The following MAN2C1 variants were observed in gnomAD, a reference collection of about 807,000 sequenced individuals.
The protein encoded by MAN2C1 is mannosidase alpha class 2C member 1, also known as alpha-mannosidase 2C1.
In MAN2C1, 111 loss-of-function variants were observed where a neutral mutation model predicts 126.9. The ratio of observed to expected loss-of-function variants is 0.87; its 90% confidence interval spans 0.75 to 1.02. The LOEUF (loss-of-function observed/expected upper bound fraction) is 1.02, where lower values mean the gene tolerates loss of function less well. Among genes scored for constraint, MAN2C1 ranks in the 50% least tolerant of loss-of-function variants. The pLI is 0.00. For synonymous variants in MAN2C1, 567 were observed against 561.5 expected (o/e 1.01, Z -0.14); for missense variants, 1,363 against 1,364.4 (o/e 1.00, Z 0.02).
chr15:75,363,865 GT>G, intron 6 of MAN2C1, 133 bp downstream of exon 6: 1 of 976,520 alleles, frequency 1.0e-6, no homozygotes. Context: ...CCCCGGCCCC[GT>G]TTTACAGACG....
intron 21 of MAN2C1, chr15:75,357,748 T>G (rs1305192360): frequency 5.8e-6 from 1 of 172,990 alleles, no homozygotes; most frequent in African/African-American, 2.4e-5. Context: ...GCCTCCCAAG[T>G]AGCTGGGACT....
At chr15:75,367,708 G>A in intron 2 of MAN2C1, 74 bp from the exon 3 acceptor site, 1 of 1,576,774 alleles carries the variant, frequency 6.3e-7, no homozygotes, top group Non-Finnish European at 8.6e-7. Flanking sequence ...TAAAGTGTCG[G>A]CAGGGGCTTG....
chr15:75,361,117 A>G lies in MAN2C1; in HGVS notation c.1389T>C (p.Asp463=), dbSNP rs776702342. 6.8e-6 allele frequency: 11 copies of G among 1,613,092 alleles called. No individual in the cohort carries two copies. The highest frequency in any genetic ancestry group is 1.7e-5 in the Admixed American group (1 of 59,886). ...TGGTCTGGGTGGGGCCACCACCCCC[A>G]TCCCCAAAGCCAAAGAGGAAGGCAC... ...NHSAFLFGFG[D]GGGGPTQTML... Residue 463 remains aspartate, a synonymous_variant, in exon 12 of 26, where the codon GAT becomes GAC. Transcript: ENST00000267978. The surrounding 1 kb of genome is among the most constrained non-coding windows in gnomAD (Gnocchi z 5.0).
At chr15:75,360,396 G>A (rs2072442838) in intron 13 of MAN2C1, 169 bp downstream of exon 13, 1 of 1,281,702 alleles carries the variant, frequency 7.8e-7, no homozygotes, top group South Asian at 1.5e-5. Context: ...CTTTCTTCAG[G>A]GGTTTCTGCC....
intron 3 of MAN2C1, among the ~76,000 whole-genome samples, 182 bp downstream of exon 3, chr15:75,367,329 A>G (rs1189667740): frequency 1.3e-5 from 2 of 152,198 alleles, no homozygotes; most frequent in East Asian, 1.9e-4. Context: ...ATTATACACA[A>G]TAAAAACTAA....
intron 3 of MAN2C1, among the ~76,000 whole-genome samples, chr15:75,367,179 G>A (rs1216466935): frequency 2.6e-5 from 4 of 151,988 alleles, no homozygotes; most frequent in African/African-American, 9.7e-5. Flanking sequence ...TACTAGATAG[G>A]AGTATAAGGA....
rs915303758 is a variant in MAN2C1 at position 75,368,595 on chromosome 15, C to T, written c.-12G>A. The T allele has an allele frequency of 3.3e-6, 5 of 1,534,034 alleles. No homozygotes were observed. In the African/African-American group the frequency reaches 4.1e-5, roughly 13 times the overall value. On this transcript the variant is annotated 5_prime_UTR_variant, in exon 1 of 26. Coordinates refer to ENST00000267978, the MANE Select transcript of MAN2C1 (RefSeq NM_006715.4). ...GGCGCAGCCGCCATCGCCGGGCTCT[C>T]GCTCCTCTTTCCGGAAGGCCCCTGG...
Position 75,359,199 on chromosome 15 carries a change from C to T in MAN2C1, c.2047-46G>A, listed in dbSNP as rs764702970. ...AGGCTGAGTCTGTAGGGGCTTCCCA[C>T]ACCAAAAGTCTTCCCACCCCAACCC... On this transcript the variant is annotated intron_variant, in intron 17 of 25. Transcript: ENST00000267978. The T allele has an allele frequency of 5.6e-6, 9 of 1,610,360 alleles. No individual in the cohort carries two copies. In the Admixed American group the frequency reaches 1.5e-4, roughly 27 times the overall value.
rs373467725 is a variant in MAN2C1 at position 75,368,185 on chromosome 15, T to C, written c.115A>G (p.Ser39Gly). 122 of 1,604,362 alleles carry C rather than the reference T, an allele frequency of 7.6e-5. No homozygotes were observed. Among genetic ancestry groups the C allele is most frequent in the Non-Finnish European group, 9.9e-5 (117 of 1,177,366 alleles). ...CNLRGRLFGA[S>G]CPVAVLSSFL... ...CTGGAGAGCACAGCCACAGGGCAGC[T>C]GGCCCCAAAAAGCCTGCGTGGGACG... The change falls in exon 2 of 26, where the codon AGC (serine) becomes GGC (glycine). Residue 39 changes from serine (S) to glycine (G), a missense_variant. By Grantham distance (56) the Ser-to-Gly change is moderately conservative. Around this residue, in one of 3 missense-constraint regions of MAN2C1, gnomAD observed 628 missense variants for 609.8 expected, o/e 1.03. Transcript: ENST00000267978.
intron 4 of MAN2C1, chr15:75,365,564 A>C (rs1034002460): frequency 2.8e-5 from 5 of 177,238 alleles, no homozygotes; most frequent in African/African-American, 1.2e-4. Context: ...GTCTCTACTA[A>C]AAATACAAAA....
intron 17 of MAN2C1, 51 bp from the exon 18 acceptor site, chr15:75,359,204 A>T: frequency 6.2e-7 from 1 of 1,609,222 alleles, no homozygotes; most frequent in Middle Eastern, 1.7e-4. Flanking sequence ...TCCCACACCA[A>T]AAGTCTTCCC....
rs1401140266 is a variant in MAN2C1, at chr15:75,356,326, GCGGGTGAAGACA to G, written c.2849_2860del (p.Val950_Pro953del). 6.2e-7 allele frequency: 1 copy of G among 1,612,008 alleles called. No homozygotes were observed. The highest frequency in any genetic ancestry group is 8.5e-7 in the Non-Finnish European group (1 of 1,179,400). On this transcript the variant is annotated inframe_deletion, in exon 24 of 26. Transcript: ENST00000267978. The surrounding 1 kb of genome is among the most constrained non-coding windows in gnomAD (Gnocchi z 5.8). Reference sequence around the variant, plus strand: ...CTGCTTGACGGTCTCCAATACGACCGCGGGTGAAGACACGGAAAACGCACTCCAGGAGGTGGC... The same window carrying G: ...CTGCTTGACGGTCTCCAATACGACCGCGGAAAACGCACTCCAGGAGGTGGC...
At chr15:75,359,009 C>T in intron 18 of MAN2C1, 50 bp downstream of exon 18, 1 of 1,606,660 alleles carries the variant, frequency 6.2e-7, no homozygotes, top group Non-Finnish European at 8.5e-7. Flanking sequence ...GAGGAAATGG[C>T]CTGGGGTCTA....
chr15:75,356,366 G>A lies in MAN2C1; in HGVS notation c.2821C>T (p.Pro941Ser). 6.2e-7 allele frequency: 1 copy of A among 1,612,110 alleles called. No homozygotes were observed. Among genetic ancestry groups the A allele is most frequent in the East Asian group, 2.2e-5 (1 of 44,812 alleles). ...GAAAACGCACTCCAGGAGGTGGCGG[G>A]CGCTGGGCTGGGGGCTGGCAGAGCC... ...LLALPAPSPA[P>S]ATSWSAFSVS... The change falls in exon 24 of 26, where the codon CCC becomes TCC. Residue 941 changes from proline (P) to serine (S), a missense_variant. By Grantham distance (74) the Pro-to-Ser change is moderately conservative. Coordinates refer to ENST00000267978, the MANE Select transcript of MAN2C1 (RefSeq NM_006715.4). This position sits in a 1 kb window ranked among gnomAD's most constrained non-coding sequence, Gnocchi z 5.8.
Position 75,362,916 on chromosome 15 carries a change from A to G in MAN2C1, c.791-168T>C, listed in dbSNP as rs2072504566. ...CTTCACTTCACTCCAGCGAGGTGGGAGGAGGGGCTGGGGAAAGGAGGCGGC... is the reference window on the plus strand; with the variant it reads ...CTTCACTTCACTCCAGCGAGGTGGGGGGAGGGGCTGGGGAAAGGAGGCGGC... On this transcript the variant is annotated intron_variant, in intron 6 of 25. Coordinates refer to ENST00000267978, the MANE Select transcript of MAN2C1 (RefSeq NM_006715.4). The surrounding 1 kb of genome is among the most constrained non-coding windows in gnomAD (Gnocchi z 4.5). 1.8e-5 allele frequency: 11 copies of G among 619,046 alleles called. No individual in the cohort carries two copies. The South Asian group carries it at 2.1e-4, about 12-fold the overall frequency. The allele number at this position is 619,046 out of a possible 1,614,324, so 38.3% of individuals were successfully genotyped here.
At position 75,358,272 on chromosome 15, in the gene MAN2C1, A is replaced by G. The variant is rs1567272834; in HGVS notation, c.2476T>C (p.Tyr826His). 3.7e-6 allele frequency: 6 copies of G among 1,614,178 alleles called. No homozygotes were observed. Among genetic ancestry groups the G allele is most frequent in the Non-Finnish European group, 4.2e-6 (5 of 1,180,028 alleles). ...PARVRSSQAT[Y>H]EIQFGHLQRP... ...TGCAGGTGCCCAAACTGGATCTCAT[A>G]GGTGGCCTGGGAACTCCGCACGCGA... Residue 826 changes from tyrosine (Y) to histidine (H), a missense_variant, in exon 21 of 26, where the codon TAT (tyrosine) becomes CAT (histidine). Physicochemically the swap from Tyr to His is moderately conservative, Grantham distance 83. Coordinates refer to ENST00000267978, the MANE Select transcript of MAN2C1 (RefSeq NM_006715.4).
At chr15:75,358,090 G>T (rs1202916394) in intron 21 of MAN2C1, 111 bp downstream of exon 21, 2 of 1,338,302 alleles carry the variant, frequency 1.5e-6, no homozygotes, top group African/African-American at 2.9e-5. Context: ...TGGCACACAC[G>T]TTAGGAAGCA....
chr15:75,362,170 C>T lies in MAN2C1; in HGVS notation c.1008+173G>A, dbSNP rs34879829. 43,255 of 680,158 alleles carry T rather than the reference C, an allele frequency of 0.064. 1,751 individuals carry two copies. The highest frequency in any genetic ancestry group is 0.079 in the Non-Finnish European group (31,258 of 394,224). The allele number at this position is 680,158 out of a possible 1,614,324, so 42.1% of individuals were successfully genotyped here. ...AACTTGTCACAGCGCTGGAGGCTCT[C>T]CTCCCCCTTGAAGTCCCAGGCCTTG... On this transcript the variant is annotated intron_variant, in intron 8 of 25. Coordinates refer to ENST00000267978, the MANE Select transcript of MAN2C1 (RefSeq NM_006715.4). This position sits in a 1 kb window ranked among gnomAD's most constrained non-coding sequence, Gnocchi z 4.5.
At position 75,362,257 on chromosome 15, in the gene MAN2C1, T is replaced by A; in HGVS notation, c.1008+86A>T. ...GCGGGGATGAGTGGCCCGTGGAAACTCACCAGCAAAGCCGGGAGGGCGGGG... is the reference window on the plus strand; with the variant it reads ...GCGGGGATGAGTGGCCCGTGGAAACACACCAGCAAAGCCGGGAGGGCGGGG... On this transcript the variant is annotated intron_variant, in intron 8 of 25. Coordinates refer to ENST00000267978, the MANE Select transcript of MAN2C1 (RefSeq NM_006715.4). This position sits in a 1 kb window ranked among gnomAD's most constrained non-coding sequence, Gnocchi z 4.5. The A allele has an allele frequency of 8.1e-7, 1 of 1,238,398 alleles. No individual in the cohort carries two copies. The allele number at this position is 1,238,398 out of a possible 1,614,324, so 76.7% of individuals were successfully genotyped here.
Sources: allele counts gnomAD v4.1 joint callset (sites outside exome capture counted in the v4.1 genomes callset), GRCh38; gene constraint gnomAD v4.1.1; regional missense constraint gnomAD v4.1.1; non-coding constraint Gnocchi (gnomAD v3.1); transcripts MANE v1.5; gene names NCBI Gene and HGNC (gene_info 2026-07-23, HGNC 2026-07-21).